The following SYT14 variants were observed in gnomAD, a reference collection of about 807,000 sequenced individuals.
SYT14 encodes the protein synaptotagmin 14, also known as synaptotagmin-14.
A neutral mutation model predicts 74.2 loss-of-function variants in SYT14; 32 were observed. The ratio of observed to expected loss-of-function variants is 0.43; its 90% CI spans 0.33 to 0.58. The LOEUF is 0.58. Among genes scored for constraint, SYT14 ranks in the 20% least tolerant of loss-of-function variants. SYT14 has a pLI of 0.05. For missense variants in SYT14, 791 were observed against 981.8 expected, an observed-to-expected ratio of 0.81 and a Z score of 2.60; for synonymous variants, 298 against 337.7, an observed-to-expected ratio of 0.88 and a Z score of 1.29.
chr1:210,021,230 A>G (rs751751090), exon 5 of SYT14: 2 of 1,613,892 alleles, frequency 1.2e-6, no homozygotes, highest in Admixed American at 1.7e-5. Context: ...TGATGGATAC[A>G]GTAGTGAAGC....
intron 2 of SYT14, among the ~76,000 whole-genome samples, chr1:209,994,584 G>A (rs56075770): frequency 0.095 from 14,428 of 152,140 alleles, 2,133 homozygotes; most frequent in African/African-American, 0.32. Flanking sequence ...TATAATCCAT[G>A]AAAATTTCCC....
intron 5 of SYT14, among the ~76,000 whole-genome samples, chr1:210,070,719 G>A (rs149033092): frequency 1.3e-5 from 2 of 152,026 alleles, no homozygotes; most frequent in African/African-American, 4.8e-5. Context: ...CTTGCGCTTT[G>A]TTGTATGTGG....
intron 2 of SYT14, among the ~76,000 whole-genome samples, chr1:209,968,273 G>GT (rs2079187439): frequency 6.6e-6 from 1 of 152,034 alleles, no homozygotes; most frequent in Admixed American, 6.6e-5. Context: ...AGAGTTCATA[G>GT]TTTTACATTA....
chr1:210,068,542 A>G (rs227207), intron 5 of SYT14, among the ~76,000 whole-genome samples: 86,099 of 151,372 alleles, frequency 0.57, 26,569 homozygotes, highest in African/African-American at 0.82. Flanking sequence ...GAGTTTTTTT[A>G]TAGATAGATT....
intron 6 of SYT14, among the ~76,000 whole-genome samples, chr1:210,096,277 T>C (rs1305069153): frequency 2.0e-5 from 3 of 152,206 alleles, no homozygotes; most frequent in Non-Finnish European, 4.4e-5. Flanking sequence ...TGTGTGAAAT[T>C]ACTTTGATTC....
intron 2 of SYT14, among the ~76,000 whole-genome samples, chr1:210,010,312 A>C (rs1378655350): frequency 6.6e-6 from 1 of 152,074 alleles, no homozygotes; most frequent in African/African-American, 2.4e-5. Context: ...TCATTCATTC[A>C]TCCATCCATC....
At chr1:209,986,993 A>G (rs1306801599) in intron 2 of SYT14, among the ~76,000 whole-genome samples, 1 of 152,206 alleles carries the variant, frequency 6.6e-6, no homozygotes, top group Non-Finnish European at 1.5e-5. Context: ...CTCTTTGTTA[A>G]GGCATAATAT....
chr1:209,960,453 A>T (rs970156778), intron 2 of SYT14, among the ~76,000 whole-genome samples: 1 of 152,206 alleles, frequency 6.6e-6, no homozygotes, highest in African/African-American at 2.4e-5. Context: ...GAATGTTTAA[A>T]TTTATTACCT....
At chr1:210,019,102 C>T (rs1331891716) in intron 4 of SYT14, among the ~76,000 whole-genome samples, 3 of 119,100 alleles carry the variant, frequency 2.5e-5, no homozygotes, top group African/African-American at 9.2e-5. Flanking sequence ...CGCCACTGCA[C>T]TCCAGACTGG....
At chr1:210,114,350 G>A (rs2082317908) in intron 7 of SYT14, among the ~76,000 whole-genome samples, 1 of 151,444 alleles carries the variant, frequency 6.6e-6, no homozygotes, top group Non-Finnish European at 1.5e-5. Context: ...CTTGTGTGCT[G>A]GAGATGTGGC....
chr1:210,046,885 C>G (rs182651714), intron 5 of SYT14, among the ~76,000 whole-genome samples: 19 of 152,178 alleles, frequency 1.2e-4, no homozygotes, highest in Admixed American at 3.9e-4. Context: ...ACATTAATAC[C>G]TTTAATCTTC....
intron 5 of SYT14, among the ~76,000 whole-genome samples, chr1:210,025,724 C>T (rs1166994987): frequency 1.3e-5 from 2 of 152,112 alleles, no homozygotes; most frequent in Non-Finnish European, 2.9e-5. Context: ...GTTCCTACTA[C>T]GTGCCTCAGT....
At chr1:210,031,132 C>T (rs2080525915) in intron 5 of SYT14, among the ~76,000 whole-genome samples, 1 of 148,144 alleles carries the variant, frequency 6.8e-6, no homozygotes, top group Non-Finnish European at 1.5e-5. Context: ...GGGGTTTCTC[C>T]ACGTTGCCCA....
In SYT14 at chr1:210,059,451, T is replaced by TATATATAG. The variant is rs377050610; in HGVS notation, c.1313-34870_1313-34869insTATATAGA. Among the ~76,000 whole-genome samples, 487 of 69,888 alleles carry TATATATAG rather than the reference T, an allele frequency of 7.0e-3. 6 individuals carry two copies. The highest frequency in any genetic ancestry group is 0.014 in the African/African-American group (184 of 12,740). 45.8% of individuals were successfully genotyped at this position (69,888 alleles called of 152,430 possible). A position where few individuals can be genotyped will look rare whatever the true frequency, so the allele number is the denominator to read the frequency against. On this transcript the variant is annotated intron_variant, in intron 5 of 9. Coordinates refer to ENST00000637265, the Ensembl canonical transcript of SYT14. ...GAATATATATATATATATATATATA[T>TATATATAG]AGAGAGAGAGAGAGAGAGAGAGAGA... is the stretch of plus-strand genomic sequence containing the variant.
intron 1 of SYT14, among the ~76,000 whole-genome samples, chr1:209,945,443 G>A (rs776829700): frequency 2.0e-5 from 3 of 152,160 alleles, no homozygotes; most frequent in Admixed American, 6.5e-5. Context: ...AGTGACGATG[G>A]TCTAAGTGGA....
intron 7 of SYT14, among the ~76,000 whole-genome samples, chr1:210,104,314 C>T (rs762263725): frequency 6.6e-6 from 1 of 152,194 alleles, no homozygotes; most frequent in African/African-American, 2.4e-5. Context: ...AGAAGCTTAA[C>T]CATTAACTTG....
At chr1:209,968,079 A>G (rs559209690) in intron 2 of SYT14, among the ~76,000 whole-genome samples, 184 of 152,320 alleles carry the variant, frequency 1.2e-3, no homozygotes, top group African/African-American at 4.3e-3. Context: ...CAGTATGTAA[A>G]CAATCAGGTG....
intron 7 of SYT14, among the ~76,000 whole-genome samples, chr1:210,127,503 T>C (rs1048427837): frequency 1.3e-5 from 2 of 152,078 alleles, no homozygotes; most frequent in African/African-American, 4.8e-5. Flanking sequence ...ATTTTTAGTC[T>C]CCAAAGTAGG....
At chr1:210,114,788 G>C (rs1473052900) in intron 7 of SYT14, among the ~76,000 whole-genome samples, 1 of 151,166 alleles carries the variant, frequency 6.6e-6, no homozygotes, top group African/African-American at 2.5e-5. Context: ...TGGACCAGGT[G>C]TGAGGAGGGG....
Sources: allele counts gnomAD v4.1 joint callset (sites outside exome capture counted in the v4.1 genomes callset), GRCh38; gene constraint gnomAD v4.1.1; transcripts MANE v1.5; gene names NCBI Gene and HGNC (gene_info 2026-07-23, HGNC 2026-07-21).